PCDH7: variants seen among roughly 807,000 people sequenced by gnomAD.
The protein encoded by PCDH7 is protocadherin-7.
PCDH7 carries 17 observed loss-of-function variants against 58.9 expected under a neutral mutation model. The ratio of observed to expected loss-of-function variants is 0.29; its 90% CI spans 0.20 to 0.43. PCDH7 has a LOEUF of 0.43. Ranked by LOEUF, PCDH7 falls within the 20% of genes least tolerant of loss-of-function variation. PCDH7 has a pLI of 1.00. For synonymous variants in PCDH7, 664 were observed against 616.4 expected (o/e 1.08, Z -1.14); for missense variants, 1,274 against 1,441.0 (o/e 0.88, Z 1.88).
At chr4:30,985,411 T>A (rs963376466) in intron 3 of PCDH7, among the ~76,000 whole-genome samples, 26 of 152,200 alleles carry the variant, frequency 1.7e-4, no homozygotes, top group African/African-American at 5.8e-4. Flanking sequence ...CCAGGCTAGA[T>A]TGGTTATAGA....
chr4:31,097,110 T>A (rs985848255), intron 3 of PCDH7, among the ~76,000 whole-genome samples: 9 of 152,128 alleles, frequency 5.9e-5, no homozygotes, highest in Admixed American at 4.6e-4. Context: ...CATTAAACAA[T>A]GACAAATAGA....
At chr4:31,080,061 G>A (rs961533175) in intron 3 of PCDH7, among the ~76,000 whole-genome samples, 2 of 152,108 alleles carry the variant, frequency 1.3e-5, no homozygotes, top group East Asian at 1.9e-4. Context: ...CCTGCAATAA[G>A]ATAAAAGCAG....
rs71190491 is a variant in PCDH7, at chr4:31,108,369, TAAAAAAAAAAAAAAAAAAAAAAAAAA to T, written c.*8-34089_*8-34064del. Among the ~76,000 whole-genome samples the T allele has an allele frequency of 3.3e-5, 2 of 60,068 alleles. 1 individual carries two copies. Among genetic ancestry groups the T allele is most frequent in the Non-Finnish European group, 7.4e-5 (2 of 27,014 alleles). 39.4% of individuals were successfully genotyped at this position (60,068 alleles called of 152,430 possible). A position where few individuals can be genotyped will look rare whatever the true frequency, so the allele number is the denominator to read the frequency against. On this transcript the variant is annotated intron_variant, in intron 3 of 3. Transcript: ENST00000509759. ...GTAGACTGTAACATACAGCATACAG[TAAAAAAAAAAAAAAAAAAAAAAAAAA>T]AAAAAAAAAAAAAATCACTTTCTAA... is the stretch of plus-strand genomic sequence containing the variant.
chr4:30,900,090 C>T (rs1017143453), intron 1 of PCDH7, among the ~76,000 whole-genome samples: 3 of 152,126 alleles, frequency 2.0e-5, no homozygotes, highest in African/African-American at 7.2e-5. Flanking sequence ...CCCAAGAGAT[C>T]ACCAGACACA....
chr4:30,791,386 A>C (rs1724100374), intron 1 of PCDH7, among the ~76,000 whole-genome samples: 1 of 152,260 alleles, frequency 6.6e-6, no homozygotes, highest in South Asian at 2.1e-4. Context: ...TTACCTTATA[A>C]ATTATTTATG....
intron 3 of PCDH7, among the ~76,000 whole-genome samples, chr4:31,068,253 G>A (rs1758249429): frequency 6.6e-6 from 1 of 151,460 alleles, no homozygotes; most frequent in Non-Finnish European, 1.5e-5. Context: ...GGAGTAGATG[G>A]GAAATCTCTG....
intron 1 of PCDH7, among the ~76,000 whole-genome samples, chr4:30,911,564 A>T (rs927800698): frequency 5.3e-5 from 8 of 152,192 alleles, no homozygotes; most frequent in African/African-American, 1.9e-4. Flanking sequence ...TGTTAACAAT[A>T]TAGAGGAACC....
chr4:30,943,733 T>A (rs1417289717), intron 2 of PCDH7, among the ~76,000 whole-genome samples: 1 of 152,036 alleles, frequency 6.6e-6, no homozygotes, highest in African/African-American at 2.4e-5. Flanking sequence ...TGTTTTTTTT[T>A]TTTTAGCTCA....
At position 30,994,189 on chromosome 4, in the gene PCDH7, T is replaced by C. The variant is rs1490412472; in HGVS notation, c.*7+43974T>C. Among the ~76,000 whole-genome samples, 5 of 152,204 alleles carry C rather than the reference T, an allele frequency of 3.3e-5. No homozygotes were observed. In the East Asian group the frequency reaches 9.6e-4, roughly 29 times the overall value. Reference sequence around the variant, plus strand: ...TCTTTGTTAAATGTCTTTATAAAATTACATTAAGAATAAATTATGCATTTT... The same window carrying C: ...TCTTTGTTAAATGTCTTTATAAAATCACATTAAGAATAAATTATGCATTTT... On this transcript the variant is annotated intron_variant, in intron 3 of 3. Coordinates refer to the PCDH7 transcript ENST00000509759.
At chr4:30,880,427 G>A (rs1218641980) in intron 1 of PCDH7, among the ~76,000 whole-genome samples, 1 of 152,124 alleles carries the variant, frequency 6.6e-6, no homozygotes, top group Non-Finnish European at 1.5e-5. Context: ...ATGTGTAACT[G>A]TTGTGGGACA....
chr4:31,002,214 A>C (rs1752413015), intron 3 of PCDH7, among the ~76,000 whole-genome samples: 1 of 152,230 alleles, frequency 6.6e-6, no homozygotes, highest in Admixed American at 6.5e-5. Context: ...TATTGATTTG[A>C]GTAAAAATGT....
chr4:30,835,247 TCATGG>T (rs1730336927), intron 1 of PCDH7, among the ~76,000 whole-genome samples: 1 of 152,026 alleles, frequency 6.6e-6, no homozygotes, highest in Non-Finnish European at 1.5e-5. Context: ...CGGTCCAGGT[TCATGG>T]CCTGTTAGTA....
At chr4:30,739,824 C>G (rs1372457951) in intron 1 of PCDH7, among the ~76,000 whole-genome samples, 1 of 152,124 alleles carries the variant, frequency 6.6e-6, no homozygotes, top group Non-Finnish European at 1.5e-5. Flanking sequence ...CTATTCCAGG[C>G]ACCAGAGAAA....
intron 3 of PCDH7, among the ~76,000 whole-genome samples, chr4:31,124,500 T>C (rs1718063525): frequency 6.6e-6 from 1 of 152,188 alleles, no homozygotes; most frequent in African/African-American, 2.4e-5. Context: ...TTGGCCTTTG[T>C]GCTCCAAGAT....
At chr4:30,966,632 T>A (rs1434167710) in intron 3 of PCDH7, among the ~76,000 whole-genome samples, 1 of 152,108 alleles carries the variant, frequency 6.6e-6, no homozygotes, top group Non-Finnish European at 1.5e-5. Flanking sequence ...ATGTGTTTAG[T>A]TTCAAGAAAA....
chr4:30,796,067 AG>A, intron 1 of PCDH7, among the ~76,000 whole-genome samples: 1 of 152,322 alleles, frequency 6.6e-6, no homozygotes, highest in East Asian at 1.9e-4. Context: ...AAAAGGTGTC[AG>A]GCTGTTGTGT....
intron 3 of PCDH7, among the ~76,000 whole-genome samples, chr4:31,021,998 C>T (rs1754062664): frequency 6.6e-6 from 1 of 152,162 alleles, no homozygotes. Flanking sequence ...CAACTTAACA[C>T]AGCTTATTTT....
At chr4:31,039,561 A>G (rs1459437165) in intron 3 of PCDH7, among the ~76,000 whole-genome samples, 1 of 152,142 alleles carries the variant, frequency 6.6e-6, no homozygotes. Flanking sequence ...GACTTTGCCC[A>G]GCCATAGTTT....
intron 1 of PCDH7, among the ~76,000 whole-genome samples, chr4:30,763,318 A>G (rs545367426): frequency 7.9e-5 from 12 of 152,382 alleles, no homozygotes; most frequent in Admixed American, 2.6e-4. Flanking sequence ...TGATTAGTCA[A>G]TGAGTAAGAT....
Sources: allele counts gnomAD v4.1 joint callset (sites outside exome capture counted in the v4.1 genomes callset), GRCh38; gene constraint gnomAD v4.1.1; transcripts MANE v1.5; gene names NCBI Gene and HGNC (gene_info 2026-07-23, HGNC 2026-07-21).